The following ANXA11 variants were observed in gnomAD, a reference collection of about 807,000 sequenced individuals.
ANXA11 encodes the protein 56 kDa autoantigen.
A neutral mutation model predicts 64.7 loss-of-function variants in ANXA11; 57 were observed. The ratio of observed to expected loss-of-function variants is 0.88; its 90% CI spans 0.71 to 1.10. The LOEUF (loss-of-function observed/expected upper bound fraction) is 1.10, where lower values mean the gene tolerates loss of function less well. Among genes scored for constraint, ANXA11 ranks in the 50% least tolerant of loss-of-function variants. The pLI is 0.00. For synonymous variants in ANXA11, 260 were observed against 265.2 expected (o/e 0.98, Z 0.19); for missense variants, 675 against 670.7 (o/e 1.01, Z -0.07).
intron 1 of ANXA11, among the ~76,000 whole-genome samples, chr10:80,185,581 T>C (rs1414569096): frequency 6.6e-6 from 1 of 152,258 alleles, no homozygotes; most frequent in Non-Finnish European, 1.5e-5. Flanking sequence ...TTTCCCAAAC[T>C]AATTAGGCCA....
In ANXA11 at chr10:80,169,083, T is replaced by C; in HGVS notation, c.447A>G (p.Pro149=). The change falls in exon 5 of 16, where the codon CCA becomes CCG. Residue 149 remains proline, a synonymous_variant. Transcript: ENST00000422982. ...QPPGAYPGQP[P]VTYPGQPPVP... is the part of the protein sequence containing the mutation. ...CTGGAGGCTGACCAGGGTAGGTCACTGGTGGCTGCCCAGGGTAGGCCCCTG... is the reference window on the plus strand; with the variant it reads ...CTGGAGGCTGACCAGGGTAGGTCACCGGTGGCTGCCCAGGGTAGGCCCCTG... The C allele has an allele frequency of 5.2e-6, 8 of 1,535,344 alleles. No homozygotes were observed. The highest frequency in any genetic ancestry group is 7.0e-6 in the Non-Finnish European group (8 of 1,147,052).
intron 1 of ANXA11, among the ~76,000 whole-genome samples, chr10:80,204,020 C>T (rs963206761): frequency 1.1e-4 from 17 of 152,252 alleles, no homozygotes; most frequent in Non-Finnish European, 2.2e-4. Context: ...CAGCAGTCAC[C>T]ACCTGTTCTG....
intron 5 of ANXA11, among the ~76,000 whole-genome samples, chr10:80,167,644 G>C (rs1456604112): frequency 6.6e-6 from 1 of 152,162 alleles, no homozygotes; most frequent in Non-Finnish European, 1.5e-5. Context: ...CGGGAGCAGG[G>C]GCTGTGGCCT....
intron 1 of ANXA11, chr10:80,195,814 T>C (rs1170552897): frequency 3.2e-5 from 5 of 154,770 alleles, no homozygotes; most frequent in East Asian, 1.9e-4. Context: ...GAGAAGAGAG[T>C]TTGTGCAGGG....
At chr10:80,171,770 C>G (rs565505723) in intron 3 of ANXA11, 7 of 985,606 alleles carry the variant, frequency 7.1e-6, no homozygotes, top group Non-Finnish European at 8.4e-6. Context: ...CCTGCCTCCT[C>G]CTCTCTTGCT....
At chr10:80,201,887 C>G (rs1398222712) in intron 1 of ANXA11, among the ~76,000 whole-genome samples, 1 of 152,160 alleles carries the variant, frequency 6.6e-6, no homozygotes, top group Non-Finnish European at 1.5e-5. Flanking sequence ...CTCAGATTTC[C>G]CCCATCTCAT....
At chr10:80,194,305 A>T (rs1846895343) in intron 1 of ANXA11, among the ~76,000 whole-genome samples, 1 of 152,132 alleles carries the variant, frequency 6.6e-6, no homozygotes, top group Non-Finnish European at 1.5e-5. Flanking sequence ...AGGGTGCTAC[A>T]AGTCCGGGGA....
At position 80,167,207 on chromosome 10, in the gene ANXA11, GC is replaced by G; in HGVS notation, c.649+18del. The G allele has an allele frequency of 6.2e-7, 1 of 1,611,796 alleles. No homozygotes were observed. ...ATAGGGGGCAGGGAGTAGGATTTGA[GC>G]CACCCAGGGTCTCTTACCGAAGCCT... is the stretch of plus-strand genomic sequence containing the variant. On this transcript the variant is annotated intron_variant, in intron 6 of 15. Transcript: ENST00000422982.
chr10:80,176,306 T>C (rs1405578364), intron 1 of ANXA11, among the ~76,000 whole-genome samples, 151 bp from the exon 2 acceptor site: 1 of 152,178 alleles, frequency 6.6e-6, no homozygotes, highest in Non-Finnish European at 1.5e-5. Flanking sequence ...GCTCTGTATA[T>C]GGAAAGATGC....
chr10:80,195,783 G>A (rs2789642), intron 1 of ANXA11: 117,025 of 159,816 alleles, frequency 0.73, 43,079 homozygotes, highest in Admixed American at 0.82. Flanking sequence ...TGAAAGGCAC[G>A]TCTCACATGG....
chr10:80,188,088 G>A (rs889301931), intron 1 of ANXA11, among the ~76,000 whole-genome samples: 7 of 151,968 alleles, frequency 4.6e-5, no homozygotes, highest in Non-Finnish European at 2.9e-5. Flanking sequence ...CTTTCACAAT[G>A]TCTACCCCTA....
intron 2 of ANXA11, among the ~76,000 whole-genome samples, 192 bp downstream of exon 2, chr10:80,175,915 G>A (rs769803605): frequency 6.6e-6 from 1 of 152,180 alleles, no homozygotes; most frequent in African/African-American, 2.4e-5. Flanking sequence ...TTAGCCAGGC[G>A]TGGTGGTGGG....
chr10:80,201,433 C>A (rs930892971), intron 1 of ANXA11, among the ~76,000 whole-genome samples: 3 of 152,170 alleles, frequency 2.0e-5, no homozygotes, highest in Non-Finnish European at 4.4e-5. Context: ...GTCTGTCTAG[C>A]CAAGACGCCT....
At chr10:80,172,756 C>T (rs761059401) in intron 3 of ANXA11, 51 bp downstream of exon 3, 1 of 1,570,010 alleles carries the variant, frequency 6.4e-7, no homozygotes, top group Admixed American at 1.7e-5. Context: ...CCACTCCCAG[C>T]CACTGTACAG....
intron 1 of ANXA11, among the ~76,000 whole-genome samples, chr10:80,200,046 T>C (rs977597058): frequency 5.3e-5 from 8 of 152,192 alleles, no homozygotes; most frequent in Admixed American, 1.3e-4. Flanking sequence ...GTCCGCTTCT[T>C]GGACCTACAG....
chr10:80,160,726 T>C (rs1403197561), intron 12 of ANXA11, among the ~76,000 whole-genome samples: 2 of 151,696 alleles, frequency 1.3e-5, no homozygotes, highest in Admixed American at 6.6e-5. Flanking sequence ...TACCCATAGC[T>C]CCCTTACCTT....
At chr10:80,179,106 A>G (rs1158122377) in intron 1 of ANXA11, among the ~76,000 whole-genome samples, 1 of 152,120 alleles carries the variant, frequency 6.6e-6, no homozygotes, top group Non-Finnish European at 1.5e-5. Context: ...GTGGGAGCTG[A>G]CTGGATCATG....
rs150718259 is a variant in ANXA11 at position 80,168,869 on chromosome 10, G to C, written c.561+100C>G. On this transcript the variant is annotated intron_variant, in intron 5 of 15. Coordinates refer to ENST00000422982, the MANE Select transcript of ANXA11 (RefSeq NM_145868.2). The stretch of plus-strand genomic sequence containing the variant: ...TTTGTTAAAACAAGAAGTGCAGCTG[G>C]AGGCCTGCGCCTTTCCCTGTCTCCC... 11,638 of 1,287,372 alleles carry C rather than the reference G, an allele frequency of 9.0e-3. 74 individuals are homozygous for C. Among genetic ancestry groups the C allele is most frequent in the Middle Eastern group, 0.01 (37 of 3,580 alleles). 79.7% of individuals were successfully genotyped at this position (1,287,372 alleles called of 1,614,324 possible).
upstream of ANXA11, chr10:80,205,622 G>A (rs1840648092): frequency 6.6e-6 from 1 of 152,054 alleles, no homozygotes; most frequent in African/African-American, 2.4e-5. Context: ...ATGAGGACTG[G>A]GCACGGCGGG....
Sources: gnomAD v4.1 joint callset for allele counts (sites outside exome capture counted in the v4.1 genomes callset) on GRCh38, gnomAD v4.1.1 for gene constraint, MANE v1.5 for transcripts, NCBI Gene and HGNC (gene_info 2026-07-23, HGNC 2026-07-21) for gene names.